ZNF273: variants seen among roughly 807,000 people sequenced by gnomAD.
The protein encoded by ZNF273 is zinc finger protein 273, also known as zinc finger protein 9.
In ZNF273, 11 loss-of-function variants were observed where a neutral mutation model predicts 14.9. The observed-to-expected ratio is 0.74, with a 90% CI of 0.46 to 1.22. The LOEUF is 1.22. ZNF273 is among the 50% of genes most tolerant of loss of function. ZNF273 has a pLI of 0.00. For synonymous variants in ZNF273, 199 were observed against 223.9 expected, an observed-to-expected ratio of 0.89 and a Z score of 0.99; for missense variants, 577 against 660.6, an observed-to-expected ratio of 0.87 and a Z score of 1.39.
At chr7:64,890,221 T>TGTGTGTGTGTGTGGGAGA, downstream of ZNF273, 1 of 64,050 alleles carries the variant, frequency 1.6e-5, no homozygotes, top group African/African-American at 4.8e-5. Flanking sequence ...TGTGTGTGTG[T>TGTGTGTGTGTGTGGGAGA]GAGAGAGAGA....
downstream of ZNF273, among the ~76,000 whole-genome samples, chr7:64,884,439 C>G (rs1453913026): frequency 6.6e-6 from 1 of 152,146 alleles, no homozygotes; most frequent in Non-Finnish European, 1.5e-5. Flanking sequence ...TGCAATCACC[C>G]CAGACGGTTT....
At chr7:64,909,014 A>G (rs1793300297) in intron 1 of ZNF273, among the ~76,000 whole-genome samples, 1 of 152,128 alleles carries the variant, frequency 6.6e-6, no homozygotes, top group African/African-American at 2.4e-5. Context: ...GGCTTAAGCA[A>G]TCCTCCTACC....
chr7:64,884,518 T>C (rs763272510), downstream of ZNF273, among the ~76,000 whole-genome samples: 3 of 152,120 alleles, frequency 2.0e-5, no homozygotes, highest in Non-Finnish European at 2.9e-5. Flanking sequence ...CTCTTCTCCG[T>C]CTTGGACTTG....
upstream of ZNF273, among the ~76,000 whole-genome samples, chr7:64,901,277 A>C (rs1193765506): frequency 6.6e-6 from 1 of 152,192 alleles, no homozygotes; most frequent in Non-Finnish European, 1.5e-5. Context: ...TGCTGGGATT[A>C]CAGGCATGAG....
chr7:64,928,586 C>G lies in ZNF273; in HGVS notation c.1258C>G (p.His420Asp). The G allele has an allele frequency of 6.2e-7, 1 of 1,613,592 alleles. No individual in the cohort carries two copies. The highest frequency in any genetic ancestry group is 8.5e-7 in the Non-Finnish European group (1 of 1,179,804). The change falls in exon 4 of 4, where the codon CAT becomes GAT. Residue 420 changes from histidine (H) to aspartate (D), a missense_variant. This residue lies in a region of ZNF273 where 411 missense variants were observed against 440.4 expected (regional missense o/e 0.93). Transcript: ENST00000476120. ...TAAACGGTCCACAACTCTTACTAAA[C>G]ATAAGAGAATTTATACTAAAGAGAA... ...AFKRSTTLTK[H>D]KRIYTKEKPY...
At chr7:64,883,898 T>C (rs1344129311), downstream of ZNF273, among the ~76,000 whole-genome samples, 1 of 152,240 alleles carries the variant, frequency 6.6e-6, no homozygotes, top group Non-Finnish European at 1.5e-5. Context: ...AGTGTTTCCG[T>C]CTAAACACTG....
upstream of ZNF273, among the ~76,000 whole-genome samples, chr7:64,899,786 G>A (rs1256328569): frequency 1.3e-5 from 2 of 148,210 alleles, no homozygotes; most frequent in Non-Finnish European, 1.5e-5. Context: ...TTGAGACAGA[G>A]TTTTGCTCTT....
rs144285720 is a variant in ZNF273, at chr7:64,927,748, A to G, written c.420A>G (p.Gly140=). 11 of 1,613,444 alleles carry G rather than the reference A, an allele frequency of 6.8e-6. No individual in the cohort carries two copies. The highest frequency in any genetic ancestry group is 1.3e-5 in the African/African-American group (1 of 74,900). The stretch of plus-strand genomic sequence containing the variant: ...TACTGAGAAGATATGGAAAATATGG[A>G]CATGAGAATTTACAATTAAGAAAAG... ...KVILRRYGKY[G]HENLQLRKGC... is the part of the protein sequence containing the mutation. Residue 140 remains glycine, a synonymous_variant, in exon 4 of 4, where the codon GGA becomes GGG. Coordinates refer to ENST00000476120, the MANE Select transcript of ZNF273 (RefSeq NM_021148.3).
At chr7:64,935,541 G>A (rs1321127983), downstream of ZNF273, among the ~76,000 whole-genome samples, 1 of 151,840 alleles carries the variant, frequency 6.6e-6, no homozygotes, top group Admixed American at 6.6e-5. Flanking sequence ...TTTATTTATT[G>A]AAACAGAGTC....
At chr7:64,880,086 G>A (rs1416209873), downstream of ZNF273, 1 of 152,228 alleles carries the variant, frequency 6.6e-6, no homozygotes, top group African/African-American at 2.4e-5. Context: ...GAATGCCTTC[G>A]TTGCATCTCG....
At chr7:64,933,605 A>T (rs1795034946), downstream of ZNF273, 1 of 152,342 alleles carries the variant, frequency 6.6e-6, no homozygotes, top group Admixed American at 6.5e-5. Flanking sequence ...GGTCCAGAAC[A>T]TGCTGTTAAA....
chr7:64,883,056 A>G (rs1791333806), downstream of ZNF273, among the ~76,000 whole-genome samples: 1 of 151,894 alleles, frequency 6.6e-6, no homozygotes, highest in Non-Finnish European at 1.5e-5. Context: ...CAAGCACTGC[A>G]GCGCTTTTTC....
intron 1 of ZNF273, among the ~76,000 whole-genome samples, chr7:64,885,284 C>CA (rs1255421614): frequency 2.6e-5 from 4 of 152,228 alleles, no homozygotes; most frequent in African/African-American, 9.6e-5. Context: ...TTGCCTCCTC[C>CA]AAGGTGCTGT....
intron 3 of ZNF273, chr7:64,923,392 G>A (rs1794606434): frequency 1.1e-5 from 5 of 454,860 alleles, no homozygotes; most frequent in African/African-American, 2.0e-5. Context: ...CCAGGTTGGA[G>A]TGCAGTGGCG....
At chr7:64,898,986 G>T (rs1792526029), upstream of ZNF273, among the ~76,000 whole-genome samples, 1 of 152,218 alleles carries the variant, frequency 6.6e-6, no homozygotes, top group African/African-American at 2.4e-5. Flanking sequence ...TGAGAGACTA[G>T]ATTTGCAATT....
chr7:64,912,846 T>G (rs796181068), intron 1 of ZNF273, among the ~76,000 whole-genome samples: 2,020 of 97,820 alleles, frequency 0.021, 67 homozygotes, highest in Non-Finnish European at 0.038. Context: ...TTTTTTTTTT[T>G]GAGATTGAGT....
Position 64,930,823 on chromosome 7 carries a change from A to G in ZNF273, c.*1785A>G, listed in dbSNP as rs1444480482. ...TGATACAGGTATATAATATGTAATA[A>G]TCACATCAGGGTAAATGAGGTATCC... On this transcript the variant is annotated 3_prime_UTR_variant, in exon 4 of 4. Coordinates refer to ENST00000476120, the MANE Select transcript of ZNF273 (RefSeq NM_021148.3). 1 of 152,110 alleles carries G rather than the reference A, an allele frequency of 6.6e-6. No individual in the cohort carries two copies. Among genetic ancestry groups the G allele is most frequent in the Non-Finnish European group, 1.5e-5 (1 of 67,984 alleles). 9.4% of individuals were successfully genotyped at this position (152,110 alleles called of 1,614,324 possible).
downstream of ZNF273, among the ~76,000 whole-genome samples, chr7:64,933,947 A>G (rs1024102602): frequency 4.6e-5 from 7 of 152,330 alleles, no homozygotes; most frequent in Non-Finnish European, 7.3e-5. Flanking sequence ...ATACAAATAC[A>G]TTATTATGAA....
intron 1 of ZNF273, among the ~76,000 whole-genome samples, chr7:64,885,000 C>T (rs940099630): frequency 1.3e-5 from 2 of 152,236 alleles, no homozygotes; most frequent in African/African-American, 4.8e-5. Flanking sequence ...ACCTGCCTCG[C>T]GGATTCGCAT....
Sources: allele counts gnomAD v4.1 joint callset (sites outside exome capture counted in the v4.1 genomes callset), GRCh38; gene constraint gnomAD v4.1.1; regional missense constraint gnomAD v4.1.1; transcripts MANE v1.5; gene names NCBI Gene and HGNC (gene_info 2026-07-23, HGNC 2026-07-21).